Variants in ATP2A1 observed in about 807,000 individuals in gnomAD.
The protein encoded by ATP2A1 is sarcoplasmic/endoplasmic reticulum calcium ATPase 1.
In ATP2A1, 83 loss-of-function variants were observed where a neutral mutation model predicts 109.5. The observed-to-expected ratio is 0.76, with a 90% CI of 0.63 to 0.91. The LOEUF (loss-of-function observed/expected upper bound fraction) is 0.91, where lower values mean the gene tolerates loss of function less well. Ranked by LOEUF, ATP2A1 falls within the 40% of genes least tolerant of loss-of-function variation. The pLI is 0.00. For missense variants in ATP2A1, 1,101 were observed against 1,341.0 expected (o/e 0.82, Z 2.80); for synonymous variants, 505 against 537.6 (o/e 0.94, Z 0.84).
intron 12 of ATP2A1, among the ~76,000 whole-genome samples, chr16:28,897,342 A>T (rs1007047853): frequency 2.0e-5 from 3 of 151,866 alleles, no homozygotes; most frequent in Non-Finnish European, 2.9e-5. Context: ...ACATTTTTTT[A>T]AAATTAGCCT....
intron 8 of ATP2A1, among the ~76,000 whole-genome samples, chr16:28,888,008 A>T (rs187983125): frequency 6.6e-6 from 1 of 150,656 alleles, no homozygotes. Context: ...TCACCGTGTT[A>T]GCCAGGATGG....
chr16:28,879,145 T>C (rs371321547), intron 2 of ATP2A1, 29 bp downstream of exon 2: 72 of 1,613,670 alleles, frequency 4.5e-5, no homozygotes, highest in Non-Finnish European at 6.0e-5. Flanking sequence ...TGAACTCTCA[T>C]AAATGACCAC....
Position 28,878,751 on chromosome 16 carries a change from A to T in ATP2A1, c.80A>T (p.Asp27Val), listed in dbSNP as rs1398470175. ...GVSETTGLTPDQVKRNLEKYG... is the reference protein window; with the variant it reads ...GVSETTGLTPVQVKRNLEKYG... ...AGTGAGACCACGGGCCTCACCCCGG[A>T]CCAAGTTAAGCGGAATCTGGAGAAA... Residue 27 changes from aspartate (D) to valine (V), a missense_variant, in exon 1 of 23, where the codon GAC becomes GTC. Transcript: ENST00000395503. 1.9e-6 allele frequency: 3 copies of T among 1,613,812 alleles called. No homozygotes were observed.
At position 28,903,640 on chromosome 16, in the gene ATP2A1, A is replaced by G. The variant is rs1596689969; in HGVS notation, c.2981-60A>G. The G allele has an allele frequency of 6.5e-6, 9 of 1,375,590 alleles. No individual in the cohort carries two copies. The highest frequency in any genetic ancestry group is 2.3e-5 in the South Asian group (2 of 86,206). The allele number at this position is 1,375,590 out of a possible 1,614,324, so 85.2% of individuals were successfully genotyped here. ...TGCCTCCTCAGCCCCCACAGCCCCT[A>G]TAGCCCCCATGCCACCTCCCTGCCT... On this transcript the variant is annotated intron_variant, in intron 21 of 22. Transcript: ENST00000395503. This position sits in a 1 kb window ranked among gnomAD's most constrained non-coding sequence, Gnocchi z 5.6.
At position 28,880,360 on chromosome 16, in the gene ATP2A1, G is replaced by A. The variant is rs890437745; in HGVS notation, c.220-555G>A. ...GGCCCCGTCGCGTTAAGCACAAGCT[G>A]GCAGGGCCTCTCCTCTCCCTTCTCA... On this transcript the variant is annotated intron_variant, in intron 3 of 22. Coordinates refer to ENST00000395503, the MANE Select transcript of ATP2A1 (RefSeq NM_004320.6). This position sits in a 1 kb window ranked among gnomAD's most constrained non-coding sequence, Gnocchi z 4.2. 6.6e-5 allele frequency among the ~76,000 whole-genome samples: 10 copies of A among 152,266 alleles called. No homozygotes were observed. The highest frequency in any genetic ancestry group is 1.2e-4 in the Non-Finnish European group (8 of 68,046).
rs1963967802 is a variant in ATP2A1 at position 28,898,082 on chromosome 16, C to A, written c.1502C>A (p.Ala501Asp). 6.2e-7 allele frequency: 1 copy of A among 1,614,158 alleles called. No individual in the cohort carries two copies. Among genetic ancestry groups the A allele is most frequent in the African/African-American group, 1.3e-5 (1 of 75,046 alleles). ...TCCATGTCTGTCTATTGCTCCCCAG[C>A]CAAATCTTCCCGGGCTGCTGTGGGC... ...RKSMSVYCSPAKSSRAAVGNK... is the reference protein window; with the variant it reads ...RKSMSVYCSPDKSSRAAVGNK... The change falls in exon 13 of 23, where the codon GCC (alanine) becomes GAC (aspartate). Residue 501 changes from alanine to aspartate, a missense_variant. Ala to Asp is a moderately radical substitution (Grantham distance 126). Transcript: ENST00000395503. The surrounding 1 kb of genome is among the most constrained non-coding windows in gnomAD (Gnocchi z 4.0).
chr16:28,888,023 G>T lies in ATP2A1; in HGVS notation c.928+301G>T, dbSNP rs193048421. ...TCACCGTGTTAGCCAGGATGGTCTC[G>T]ATCTCCTGACCTCCTGATCTGCCCG... On this transcript the variant is annotated intron_variant, in intron 8 of 22. Coordinates refer to ENST00000395503, the MANE Select transcript of ATP2A1 (RefSeq NM_004320.6). Among the ~76,000 whole-genome samples, 6 of 151,950 alleles carry T rather than the reference G, an allele frequency of 3.9e-5. No homozygotes were observed. The East Asian group carries it at 5.8e-4, about 15-fold the overall frequency.
Position 28,880,066 on chromosome 16 carries a change from G to GA in ATP2A1, c.219+484dup, listed in dbSNP as rs1290479126. On this transcript the variant is annotated intron_variant, in intron 3 of 22. Coordinates refer to ENST00000395503, the MANE Select transcript of ATP2A1 (RefSeq NM_004320.6). This position sits in a 1 kb window ranked among gnomAD's most constrained non-coding sequence, Gnocchi z 4.2. ...TAGTGGCGGGAAAGCGCGGCGGTGT[G>GA]ATGATGACTCCAAGGAGCCCGGCGC... 1.0e-6 allele frequency: 1 copy of GA among 1,004,472 alleles called. No individual in the cohort carries two copies. The highest frequency in any genetic ancestry group is 1.2e-6 in the Non-Finnish European group (1 of 844,918). The allele number at this position is 1,004,472 out of a possible 1,614,324, so 62.2% of individuals were successfully genotyped here. A position where few individuals can be genotyped will look rare whatever the true frequency, so the allele number is the denominator to read the frequency against.
intron 9 of ATP2A1, among the ~76,000 whole-genome samples, chr16:28,890,793 C>G (rs1370224826): frequency 2.0e-5 from 3 of 151,932 alleles, no homozygotes; most frequent in African/African-American, 7.2e-5. Context: ...TCAAGTGATT[C>G]TCCTTCCTCA....
In ATP2A1 at chr16:28,900,739, C is replaced by T. The variant is rs767308690; in HGVS notation, c.1923C>T (p.Ile641=). The change falls in exon 15 of 23, where the codon ATC becomes ATT. Residue 641 remains isoleucine, a synonymous_variant. Coordinates refer to ENST00000395503, the MANE Select transcript of ATP2A1 (RefSeq NM_004320.6). ...TTGCCATCTGCCGGCGAATTGGCATCTTTGGGGAGAACGAGGAGGTGGCCG... is the reference window on the plus strand; with the variant it reads ...TTGCCATCTGCCGGCGAATTGGCATTTTTGGGGAGAACGAGGAGGTGGCCG... ...TAIAICRRIG[I]FGENEEVADR... The T allele has an allele frequency of 1.9e-6, 3 of 1,614,192 alleles. No individual in the cohort carries two copies. The South Asian group carries it at 3.3e-5, about 18-fold the overall frequency.
chr16:28,888,862 G>A lies in ATP2A1; in HGVS notation c.1004G>A (p.Ser335Asn), dbSNP rs780239887. The A allele has an allele frequency of 6.2e-7, 1 of 1,613,356 alleles. No individual in the cohort carries two copies. Among genetic ancestry groups the A allele is most frequent in the Non-Finnish European group, 8.5e-7 (1 of 1,179,550 alleles). The change falls in exon 9 of 23, where the codon AGC (serine) becomes AAC (asparagine). Residue 335 changes from serine to asparagine, a missense_variant. Coordinates refer to ENST00000395503, the MANE Select transcript of ATP2A1 (RefSeq NM_004320.6). The stretch of plus-strand genomic sequence containing the variant: ...GCAAAGAAGAATGCCATTGTAAGAA[G>A]CTTGCCCTCCGTAGAGACCCTGGGC... Reference protein sequence around the residue: ...RMAKKNAIVRSLPSVETLGCT... With the variant: ...RMAKKNAIVRNLPSVETLGCT...
chr16:28,894,423 G>A, intron 10 of ATP2A1, 82 bp from the exon 11 acceptor site: 2 of 1,408,926 alleles, frequency 1.4e-6, no homozygotes, highest in South Asian at 2.4e-5. Flanking sequence ...TCTGCTGCCT[G>A]CTCTTCCTGT....
chr16:28,895,017 G>A, intron 12 of ATP2A1, 64 bp downstream of exon 12: 1 of 1,600,416 alleles, frequency 6.2e-7, no homozygotes, highest in East Asian at 2.2e-5. Flanking sequence ...CTAGAGGAAG[G>A]CAGAGGCCCT....
chr16:28,904,021 G>T (rs892105533), intron 22 of ATP2A1, among the ~76,000 whole-genome samples, 159 bp from the exon 23 acceptor site: 1 of 152,020 alleles, frequency 6.6e-6, no homozygotes. Flanking sequence ...GCTGCAGTGG[G>T]GGGGGGCGGG....
chr16:28,879,690 C>T (rs947191960), intron 3 of ATP2A1, 107 bp downstream of exon 3: 7 of 1,306,630 alleles, frequency 5.4e-6, no homozygotes, highest in Non-Finnish European at 7.5e-6. Flanking sequence ...CCGAGCATCC[C>T]ATTGTACAGA....
chr16:28,892,711 G>GACACAAAGCCAGA (rs1248754246), intron 9 of ATP2A1: 3 of 152,296 alleles, frequency 2.0e-5, no homozygotes, highest in African/African-American at 7.2e-5. Context: ...TAACGCACAG[G>GACACAAAGCCAGA]CCACAAAGCC....
At chr16:28,882,235 A>G (rs1229631028) in intron 4 of ATP2A1, among the ~76,000 whole-genome samples, 1 of 150,902 alleles carries the variant, frequency 6.6e-6, no homozygotes, top group Non-Finnish European at 1.5e-5. Flanking sequence ...CTGGGATTAC[A>G]GGCGTGAGTC....
chr16:28,903,154 T>A lies in ATP2A1; in HGVS notation c.2862+7T>A, dbSNP rs781603905. 1.9e-6 allele frequency: 3 copies of A among 1,612,800 alleles called. No individual in the cohort carries two copies. The East Asian group carries it at 6.7e-5, about 36-fold the overall frequency. On this transcript the variant is annotated splice_region_variant and intron_variant, in intron 20 of 22. Transcript: ENST00000395503. The surrounding 1 kb of genome is among the most constrained non-coding windows in gnomAD (Gnocchi z 5.6). ...CTATGTTGACCCCCTGCCGGTGAGGTTTCTTCCGCCCAGGGCCGCCCACCC... is the reference window on the plus strand; with the variant it reads ...CTATGTTGACCCCCTGCCGGTGAGGATTCTTCCGCCCAGGGCCGCCCACCC...
At chr16:28,896,307 A>G (rs1156312098) in intron 12 of ATP2A1, among the ~76,000 whole-genome samples, 1 of 149,798 alleles carries the variant, frequency 6.7e-6, no homozygotes, top group Non-Finnish European at 1.5e-5. Context: ...GCTCACCACA[A>G]CCTCCGCCTC....
Sources: gnomAD v4.1 joint callset for allele counts (sites outside exome capture counted in the v4.1 genomes callset) on GRCh38, gnomAD v4.1.1 for gene constraint, Gnocchi (gnomAD v3.1) non-coding constraint, MANE v1.5 for transcripts, NCBI Gene and HGNC (gene_info 2026-07-23, HGNC 2026-07-21) for gene names.